The following TXLNB variants were observed in gnomAD, a reference collection of about 807,000 sequenced individuals.
TXLNB encodes taxilin beta.
Under a neutral mutation model 57.4 loss-of-function variants are expected in TXLNB, and 37 were observed. That is an observed-to-expected ratio of 0.64 (90% confidence interval 0.50 to 0.85). The LOEUF is 0.85. TXLNB is among the 40% of genes least tolerant of loss of function. TXLNB has a pLI of 0.00. For synonymous variants in TXLNB, 302 were observed against 309.6 expected (o/e 0.98, Z 0.26); for missense variants, 848 against 825.6 (o/e 1.03, Z -0.33).
intron 7 of TXLNB, among the ~76,000 whole-genome samples, chr6:139,249,792 C>T (rs1431267266): frequency 6.6e-6 from 1 of 152,100 alleles, no homozygotes; most frequent in East Asian, 1.9e-4. Flanking sequence ...AGCCAAATGA[C>T]AGCTGATTAT....
the TXLNB span, among the ~76,000 whole-genome samples, chr6:139,224,522 G>T: frequency 0.66 from 99,640 of 151,672 alleles, 33,150 homozygotes; most frequent in East Asian, 0.82. Flanking sequence ...AATTGATAGC[G>T]TTCTGATAAG....
At chr6:139,281,003 T>G (rs766948623) in intron 2 of TXLNB, among the ~76,000 whole-genome samples, 3 of 152,208 alleles carry the variant, frequency 2.0e-5, no homozygotes, top group Non-Finnish European at 2.9e-5. Context: ...ATAGGAGACC[T>G]GGGTTCCAGA....
the TXLNB span, chr6:139,167,170 C>T: frequency 7.2e-5 from 117 of 1,614,072 alleles, 1 homozygote; most frequent in African/African-American, 1.3e-3. Flanking sequence ...TCATTCTGGC[C>T]GCGCTCAGTG....
At chr6:139,316,348 C>T in the TXLNB span, among the ~76,000 whole-genome samples, 4 of 151,532 alleles carry the variant, frequency 2.6e-5, no homozygotes, top group Admixed American at 2.6e-4. Context: ...GTTTCTTATC[C>T]CTCCCCTCCC....
chr6:139,264,454 G>C (rs1776562544), intron 4 of TXLNB, among the ~76,000 whole-genome samples: 1 of 152,110 alleles, frequency 6.6e-6, no homozygotes, highest in Admixed American at 6.5e-5. Flanking sequence ...AGAAGGTACA[G>C]ATGATAGGAT....
chr6:139,301,287 A>G, the TXLNB span, among the ~76,000 whole-genome samples: 2 of 152,156 alleles, frequency 1.3e-5, no homozygotes, highest in Admixed American at 6.5e-5. Context: ...TGAAGGAAAA[A>G]TTGCAGGGAA....
At chr6:139,253,772 T>G (rs1245771303) in intron 7 of TXLNB, among the ~76,000 whole-genome samples, 1 of 152,228 alleles carries the variant, frequency 6.6e-6, no homozygotes, top group East Asian at 1.9e-4. Flanking sequence ...GCCCACAGTT[T>G]AACAATGTAA....
intron 4 of TXLNB, among the ~76,000 whole-genome samples, chr6:139,266,943 C>A: frequency 2.1e-5 from 3 of 141,352 alleles, no homozygotes; most frequent in Admixed American, 7.1e-5. Flanking sequence ...AGTATAGTGG[C>A]ACATTTATTT....
chr6:139,190,328 GAGAC>G, the TXLNB span, among the ~76,000 whole-genome samples: 1 of 16,850 alleles, frequency 5.9e-5, no homozygotes, highest in Non-Finnish European at 1.4e-4. Context: ...TTTTTTTTTT[GAGAC>G]AGAGTCTCGC....
At chr6:139,293,257 A>G (rs892233058), upstream of TXLNB, among the ~76,000 whole-genome samples, 1 of 151,998 alleles carries the variant, frequency 6.6e-6, no homozygotes, top group African/African-American at 2.4e-5. Context: ...ACATCCAGCT[A>G]ATTTTTGTAT....
downstream of TXLNB, among the ~76,000 whole-genome samples, chr6:139,238,902 T>A (rs891470299): frequency 6.6e-6 from 1 of 152,232 alleles, no homozygotes; most frequent in Non-Finnish European, 1.5e-5. Context: ...TAGAGGAGAA[T>A]GGGCCAGGAA....
chr6:139,246,818 G>T (rs1776076698), intron 8 of TXLNB, among the ~76,000 whole-genome samples: 1 of 151,800 alleles, frequency 6.6e-6, no homozygotes. Context: ...GGAGGCTGAG[G>T]CAGGAGAATT....
chr6:139,184,064 C>T, the TXLNB span, among the ~76,000 whole-genome samples: 2 of 152,144 alleles, frequency 1.3e-5, no homozygotes, highest in Non-Finnish European at 2.9e-5. Flanking sequence ...GTCAGCGCTT[C>T]GTGAAATTAT....
chr6:139,255,455 C>T (rs770522249), intron 7 of TXLNB, 109 bp downstream of exon 7: 1 of 812,262 alleles, frequency 1.2e-6, no homozygotes, highest in Non-Finnish European at 2.2e-6. Flanking sequence ...ATTCCCATCC[C>T]CCCATCCCCT....
At chr6:139,320,362 G>A in the TXLNB span, among the ~76,000 whole-genome samples, 2 of 152,026 alleles carry the variant, frequency 1.3e-5, no homozygotes, top group African/African-American at 4.8e-5. Context: ...AAACCACAAG[G>A]AATATTTACA....
the TXLNB span, among the ~76,000 whole-genome samples, chr6:139,181,422 G>C: frequency 1.3e-5 from 2 of 152,146 alleles, no homozygotes; most frequent in Non-Finnish European, 2.9e-5. Context: ...TGTTGAGCAG[G>C]CGAATCATCC....
chr6:139,222,062 A>C, the TXLNB span, among the ~76,000 whole-genome samples: 8 of 152,306 alleles, frequency 5.3e-5, 1 homozygote, highest in East Asian at 1.9e-4. Context: ...AAAAATAAAC[A>C]TAAAACAGAT....
intron 7 of TXLNB, among the ~76,000 whole-genome samples, chr6:139,254,315 T>TTGTGTGTG (rs60108019): frequency 0.24 from 36,654 of 149,988 alleles, 4,670 homozygotes; most frequent in African/African-American, 0.33. Flanking sequence ...TGAACACGAT[T>TTGTGTGTG]TGTGTGTGTG....
intron 1 of TXLNB, 120 bp from the exon 2 acceptor site, chr6:139,289,033 A>AGT: frequency 7.7e-6 from 5 of 649,708 alleles, no homozygotes; most frequent in Non-Finnish European, 1.1e-5. Flanking sequence ...TCTAACGTAG[A>AGT]GAAAGGCAAT....
Sources: gnomAD v4.1 joint callset for allele counts (sites outside exome capture counted in the v4.1 genomes callset) on GRCh38, gnomAD v4.1.1 for gene constraint, MANE v1.5 for transcripts, NCBI Gene and HGNC (gene_info 2026-07-23, HGNC 2026-07-21) for gene names.